The following NAALADL2 variants were observed in gnomAD, a reference collection of about 807,000 sequenced individuals.
NAALADL2 encodes the protein inactive N-acetylated-alpha-linked acidic dipeptidase-like protein 2.
In NAALADL2, 76 loss-of-function variants were observed where a neutral mutation model predicts 87.2. The ratio of observed to expected loss-of-function variants is 0.87; its 90% CI spans 0.72 to 1.05. The LOEUF is 1.05. NAALADL2 is among the 50% of genes least tolerant of loss of function. The pLI is 0.00. For synonymous variants in NAALADL2, 354 were observed against 331.0 expected, an observed-to-expected ratio of 1.07 and a Z score of -0.75; for missense variants, 1,089 against 945.8, an observed-to-expected ratio of 1.15 and a Z score of -1.99.
intron 2 of NAALADL2, chr3:175,115,253 A>C (rs1724916011): frequency 6.6e-6 from 1 of 151,576 alleles, no homozygotes. Context: ...CCCAGCAAAC[A>C]GTCAAACATA....
chr3:175,217,089 G>A (rs1742669073), intron 2 of NAALADL2, among the ~76,000 whole-genome samples: 1 of 152,112 alleles, frequency 6.6e-6, no homozygotes, highest in African/African-American at 2.4e-5. Context: ...TAGGTGTTTT[G>A]CATACTCTTG....
At chr3:175,687,228 G>A (rs1021615477) in intron 11 of NAALADL2, among the ~76,000 whole-genome samples, 1 of 152,088 alleles carries the variant, frequency 6.6e-6, no homozygotes, top group African/African-American at 2.4e-5. Flanking sequence ...TGCAAATTAA[G>A]TATTTAGAAA....
At chr3:175,122,486 A>G (rs1726303943) in intron 2 of NAALADL2, among the ~76,000 whole-genome samples, 2 of 151,894 alleles carry the variant, frequency 1.3e-5, no homozygotes, top group Admixed American at 1.3e-4. Flanking sequence ...GAAGCCAAAC[A>G]AAGTTGACTA....
At chr3:175,295,327 T>A (rs1756178749) in intron 4 of NAALADL2, among the ~76,000 whole-genome samples, 1 of 152,182 alleles carries the variant, frequency 6.6e-6, no homozygotes, top group African/African-American at 2.4e-5. Context: ...CAGACTCATT[T>A]AGACATTTCA....
chr3:175,650,620 C>G (rs949066670), intron 11 of NAALADL2, among the ~76,000 whole-genome samples: 22 of 152,122 alleles, frequency 1.4e-4, no homozygotes, highest in African/African-American at 5.3e-4. Flanking sequence ...TCCTATTCTT[C>G]CCCCGAAATG....
chr3:175,013,236 CAT>C (rs1363232753), intron 1 of NAALADL2, among the ~76,000 whole-genome samples: 26 of 104,728 alleles, frequency 2.5e-4, no homozygotes, highest in East Asian at 7.9e-4. Context: ...AATATAAACA[CAT>C]ATATAAAATA....
intron 1 of NAALADL2, among the ~76,000 whole-genome samples, chr3:174,907,006 T>C (rs1305235274): frequency 6.6e-6 from 1 of 152,082 alleles, no homozygotes; most frequent in Non-Finnish European, 1.5e-5. Flanking sequence ...TTATTAATAG[T>C]AAAAAATTTC....
intron 2 of NAALADL2, among the ~76,000 whole-genome samples, chr3:175,199,501 C>CTG (rs1177232297): frequency 6.6e-6 from 1 of 151,802 alleles, no homozygotes; most frequent in African/African-American, 2.4e-5. Context: ...AGGGATGAGA[C>CTG]TGTGTGTGTG....
intron 11 of NAALADL2, among the ~76,000 whole-genome samples, chr3:175,653,771 C>G (rs1270377678): frequency 2.0e-5 from 3 of 152,146 alleles, no homozygotes; most frequent in Admixed American, 2.0e-4. Flanking sequence ...ATGAGGTTCT[C>G]TCTTTGGGGT....
intron 11 of NAALADL2, among the ~76,000 whole-genome samples, chr3:175,695,067 G>T (rs189942209): frequency 2.2e-4 from 33 of 148,722 alleles, no homozygotes; most frequent in African/African-American, 8.1e-4. Context: ...CCATATAGGT[G>T]CTTGAAAAAA....
At chr3:174,617,057 T>A (rs1720532455) in intron 2 of NAALADL2, among the ~76,000 whole-genome samples, 1 of 151,756 alleles carries the variant, frequency 6.6e-6, no homozygotes, top group African/African-American at 2.4e-5. Flanking sequence ...TTAGTTAACT[T>A]TGTATGGGTA....
chr3:175,449,907 TTA>T (rs1721292967), intron 6 of NAALADL2, among the ~76,000 whole-genome samples: 1 of 152,224 alleles, frequency 6.6e-6, no homozygotes, highest in Non-Finnish European at 1.5e-5. Flanking sequence ...AGAAAAATTG[TTA>T]TGTTTTTTAA....
At chr3:175,415,563 C>T (rs1261019214) in intron 5 of NAALADL2, among the ~76,000 whole-genome samples, 1 of 151,938 alleles carries the variant, frequency 6.6e-6, no homozygotes, top group East Asian at 1.9e-4. Context: ...ACTAAACAAA[C>T]ATTAAATAAA....
chr3:175,373,034 T>C (rs190968593), intron 5 of NAALADL2, among the ~76,000 whole-genome samples: 196 of 152,300 alleles, frequency 1.3e-3, no homozygotes, highest in African/African-American at 4.5e-3. Flanking sequence ...AGCCTCAGAA[T>C]GAGGAATAAT....
intron 2 of NAALADL2, among the ~76,000 whole-genome samples, chr3:175,113,629 C>T (rs571885012): frequency 4.0e-5 from 6 of 151,340 alleles, no homozygotes; most frequent in Admixed American, 2.0e-4. Context: ...GAGCAAGCAG[C>T]GTAAGAATCA....
chr3:174,976,034 G>C (rs1177769099), intron 1 of NAALADL2, among the ~76,000 whole-genome samples: 1 of 152,138 alleles, frequency 6.6e-6, no homozygotes, highest in African/African-American at 2.4e-5. Context: ...CTGTGGTAAT[G>C]TGTTATGCAA....
chr3:175,783,928 G>T (rs534386779), intron 13 of NAALADL2, among the ~76,000 whole-genome samples: 82 of 141,412 alleles, frequency 5.8e-4, no homozygotes, highest in African/African-American at 2.4e-3. Context: ...GTTGAATTTT[G>T]TCAAAGGCTT....
chr3:174,501,792 G>A (rs567350204), intron 1 of NAALADL2, among the ~76,000 whole-genome samples: 98 of 150,496 alleles, frequency 6.5e-4, no homozygotes, highest in African/African-American at 2.2e-3. Context: ...TTCTTTTTTT[G>A]CTCTCATTAA....
At chr3:175,688,214 A>G (rs1472273295) in intron 11 of NAALADL2, among the ~76,000 whole-genome samples, 1 of 152,132 alleles carries the variant, frequency 6.6e-6, no homozygotes, top group Admixed American at 6.6e-5. Context: ...AAATTAATGA[A>G]CGACCTCTTG....
Sources: allele counts gnomAD v4.1 joint callset (sites outside exome capture counted in the v4.1 genomes callset), GRCh38; gene constraint gnomAD v4.1.1; transcripts MANE v1.5; gene names NCBI Gene and HGNC (gene_info 2026-07-23, HGNC 2026-07-21).